The following LAMA3 variants were observed in gnomAD, a reference collection of about 807,000 sequenced individuals.
The protein encoded by LAMA3 is laminin subunit alpha 3.
LAMA3 carries 281 observed loss-of-function variants against 402.0 expected under a neutral mutation model. The ratio of observed to expected loss-of-function variants is 0.70; its 90% CI spans 0.63 to 0.77. The LOEUF is 0.77. LAMA3 is among the 30% of genes least tolerant of loss of function. The pLI is 0.00. For missense variants in LAMA3, 3,840 were observed against 4,215.5 expected, an observed-to-expected ratio of 0.91 and a Z score of 2.47; for synonymous variants, 1,431 against 1,558.4, an observed-to-expected ratio of 0.92 and a Z score of 1.93.
chr18:23,906,059 C>T (rs190715215), intron 52 of LAMA3, among the ~76,000 whole-genome samples: 86 of 152,272 alleles, frequency 5.6e-4, no homozygotes, highest in African/African-American at 1.9e-3. Context: ...GCCACCATGC[C>T]GGGCCCAGAT....
Position 23,884,812 on chromosome 18 carries a change from G to T in LAMA3, c.5262G>T (p.Arg1754=). Residue 1754 remains arginine (R), a synonymous_variant, in exon 41 of 75, where the codon CGG becomes CGT. Coordinates refer to ENST00000313654, the MANE Select transcript of LAMA3 (RefSeq NM_198129.4). The stretch of plus-strand genomic sequence containing the variant: ...GTGTGGTGAATGGGGGAGACGTGCG[G>T]TGCTCCTGCAAAGCTGGGTACACAG... ...TGCVVNGGDV[R]CSCKAGYTGT... The T allele has an allele frequency of 1.9e-6, 3 of 1,613,920 alleles. No individual in the cohort carries two copies. The highest frequency in any genetic ancestry group is 2.5e-6 in the Non-Finnish European group (3 of 1,179,944).
In LAMA3 at chr18:23,933,817, G is replaced by A; in HGVS notation, c.8744G>A (p.Ser2915Asn). 1 of 1,614,140 alleles carries A rather than the reference G, an allele frequency of 6.2e-7. No homozygotes were observed. Among genetic ancestry groups the A allele is most frequent in the Non-Finnish European group, 8.5e-7 (1 of 1,179,966 alleles). Reference protein sequence around the residue: ...SLSPEVLDLTSNSLKRDVSLG... With the variant: ...SLSPEVLDLTNNSLKRDVSLG... ...AGTCCTGAAGTCCTAGATTTGACCAGTAACTCTCTCAAGAGAGATGTGTCC... is the reference window on the plus strand; with the variant it reads ...AGTCCTGAAGTCCTAGATTTGACCAATAACTCTCTCAAGAGAGATGTGTCC... The change falls in exon 67 of 75, where the codon AGT (serine) becomes AAT (asparagine). Residue 2915 changes from serine to asparagine, a missense_variant. By Grantham distance (46) the Ser-to-Asn change is conservative. Coordinates refer to ENST00000313654, the MANE Select transcript of LAMA3 (RefSeq NM_198129.4).
At chr18:23,937,660 A>G (rs2145446843) in intron 67 of LAMA3, among the ~76,000 whole-genome samples, 1 of 152,284 alleles carries the variant, frequency 6.6e-6, no homozygotes, top group South Asian at 2.1e-4. Context: ...CTGCTGACAC[A>G]CGGAGAAGAC....
At position 23,946,363 on chromosome 18, in the gene LAMA3, T is replaced by C. The variant is rs1258824972; in HGVS notation, c.9351+79T>C. 102 of 1,372,086 alleles carry C rather than the reference T, an allele frequency of 7.4e-5. No homozygotes were observed. In the East Asian group the frequency reaches 2.3e-3, roughly 31 times the overall value. 85.0% of individuals were successfully genotyped at this position (1,372,086 alleles called of 1,614,324 possible). A position where few individuals can be genotyped will look rare whatever the true frequency, so the allele number is the denominator to read the frequency against. On this transcript the variant is annotated intron_variant, in intron 70 of 74. Transcript: ENST00000313654. The stretch of plus-strand genomic sequence containing the variant: ...GCATAATTGTATGAGATATTCAAAA[T>C]ACTCACCATATGAGAATCTCAAAAT...
chr18:23,913,088 G>T (rs2081491159), intron 56 of LAMA3, among the ~76,000 whole-genome samples: 1 of 152,208 alleles, frequency 6.6e-6, no homozygotes, highest in Non-Finnish European at 1.5e-5. Context: ...ATTGTTGGTT[G>T]CTAGAGGATC....
chr18:23,812,876 G>A (rs1280925400), intron 13 of LAMA3, among the ~76,000 whole-genome samples, 181 bp from the exon 14 acceptor site: 1 of 152,150 alleles, frequency 6.6e-6, no homozygotes, highest in Non-Finnish European at 1.5e-5. Flanking sequence ...TGGGGATTAA[G>A]GACCATAAAT....
At chr18:23,872,894 C>T in intron 38 of LAMA3, 1 of 811,748 alleles carries the variant, frequency 1.2e-6, no homozygotes, top group Non-Finnish European at 2.0e-6. Flanking sequence ...CTGGCACAGG[C>T]TGACTCATGT....
At chr18:23,747,862 G>T in intron 2 of LAMA3, 81 bp from the exon 3 acceptor site, 1 of 858,416 alleles carries the variant, frequency 1.2e-6, no homozygotes, top group Non-Finnish European at 2.0e-6. Flanking sequence ...TGTTGCCTTG[G>T]GAATCAGCAT....
rs114054210 is a variant in LAMA3 at position 23,743,843 on chromosome 18, T to A, written c.448-4100T>A. Among the ~76,000 whole-genome samples the A allele has an allele frequency of 3.5e-3, 534 of 152,284 alleles. 3 individuals carry two copies. Among genetic ancestry groups the A allele is most frequent in the African/African-American group, 0.012 (506 of 41,556 alleles). On this transcript the variant is annotated intron_variant, in intron 2 of 74. Transcript: ENST00000313654. Reference sequence around the variant, plus strand: ...CCTTATCTCTGACCCCCAAATACGATCTCTTTGAAAATGCACAACTTTGCC... The same window carrying A: ...CCTTATCTCTGACCCCCAAATACGAACTCTTTGAAAATGCACAACTTTGCC...
chr18:23,931,126 G>A lies in LAMA3; in HGVS notation c.8501G>A (p.Gly2834Asp), dbSNP rs1426717095. ...YIELSTSDSG[G>D]PIFKSPQTYM... ...GAATTGAGCACCAGCGATAGCGGCG[G>A]CCCAATTTTTAAATCTCCACAGACG... The change falls in exon 65 of 75, where the codon GGC becomes GAC. Residue 2834 changes from glycine (G) to aspartate (D), a missense_variant. Transcript: ENST00000313654. The A allele has an allele frequency of 2.5e-6, 4 of 1,613,348 alleles. No individual in the cohort carries two copies. In the East Asian group the frequency reaches 6.7e-5, roughly 27 times the overall value.
intron 8 of LAMA3, among the ~76,000 whole-genome samples, chr18:23,769,775 A>T (rs1469030030): frequency 1.3e-5 from 2 of 152,236 alleles, no homozygotes; most frequent in African/African-American, 4.8e-5. Context: ...TATAAAAAAT[A>T]CTCTAAATGT....
In LAMA3 at chr18:23,814,434, G is replaced by C; in HGVS notation, c.1820G>C (p.Gly607Ala). 3 of 1,613,728 alleles carry C rather than the reference G, an allele frequency of 1.9e-6. No individual in the cohort carries two copies. The highest frequency in any genetic ancestry group is 2.5e-6 in the Non-Finnish European group (3 of 1,179,672). Residue 607 changes from glycine (G) to alanine (A), a missense_variant, in exon 15 of 75, where the codon GGT becomes GCT. By Grantham distance (60) the Gly-to-Ala change is moderately conservative. Around this residue, in one of 3 missense-constraint regions of LAMA3, gnomAD observed 2,109 missense variants for 2,376.0 expected, o/e 0.89. Transcript: ENST00000313654. The stretch of plus-strand genomic sequence containing the variant: ...TGCCAATGCAAGCTTCATGTTGAAG[G>C]TCCTACTTGTAGCCGCTGCAAACTG... ...GYCQCKLHVEGPTCSRCKLLY... is the reference protein window; with the variant it reads ...GYCQCKLHVEAPTCSRCKLLY...
In LAMA3 at chr18:23,907,944, C is replaced by A. The variant is rs764947195; in HGVS notation, c.7015+9C>A. ...TGATGCAGATAACTCGGGTATCAGGCGATCTCTGGCCAGGACATCTTAGCC... is the reference window on the plus strand; with the variant it reads ...TGATGCAGATAACTCGGGTATCAGGAGATCTCTGGCCAGGACATCTTAGCC... On this transcript the variant is annotated intron_variant, in intron 54 of 74. Coordinates refer to ENST00000313654, the MANE Select transcript of LAMA3 (RefSeq NM_198129.4). 2 of 1,612,862 alleles carry A rather than the reference C, an allele frequency of 1.2e-6. No individual in the cohort carries two copies. The highest frequency in any genetic ancestry group is 2.2e-5 in the East Asian group (1 of 44,864).
intron 41 of LAMA3, among the ~76,000 whole-genome samples, chr18:23,888,177 G>A (rs2080503112): frequency 6.6e-6 from 1 of 152,304 alleles, no homozygotes. Flanking sequence ...CCTATTATTA[G>A]TATATGACCA....
At chr18:23,750,186 T>A (rs1466010789) in intron 4 of LAMA3, among the ~76,000 whole-genome samples, 1 of 152,182 alleles carries the variant, frequency 6.6e-6, no homozygotes, top group Non-Finnish European at 1.5e-5. Context: ...TTAAGGGAGA[T>A]GGGCAAACAA....
intron 15 of LAMA3, among the ~76,000 whole-genome samples, chr18:23,814,931 C>A (rs1428275059): frequency 6.6e-6 from 1 of 152,208 alleles, no homozygotes; most frequent in African/African-American, 2.4e-5. Context: ...TCAAAAATCC[C>A]ATGATGTTGC....
At chr18:23,727,973 A>G (rs2061326897) in intron 2 of LAMA3, among the ~76,000 whole-genome samples, 1 of 151,856 alleles carries the variant, frequency 6.6e-6, no homozygotes, top group South Asian at 2.1e-4. Flanking sequence ...GCTTCAAGTG[A>G]TCCTCCTGCC....
chr18:23,830,356 C>T (rs150792117), intron 23 of LAMA3, among the ~76,000 whole-genome samples: 95 of 152,212 alleles, frequency 6.2e-4, no homozygotes, highest in African/African-American at 2.2e-3. Flanking sequence ...CTCCCCTTCA[C>T]AACAAAACTC....
chr18:23,874,132 C>A (rs1401716302), intron 38 of LAMA3, among the ~76,000 whole-genome samples: 1 of 152,176 alleles, frequency 6.6e-6, no homozygotes, highest in Non-Finnish European at 1.5e-5. Context: ...ACAGACTATA[C>A]TCCCCCAAAG....
Sources: allele counts gnomAD v4.1 joint callset (sites outside exome capture counted in the v4.1 genomes callset), GRCh38; gene constraint gnomAD v4.1.1; regional missense constraint gnomAD v4.1.1; transcripts MANE v1.5; gene names NCBI Gene and HGNC (gene_info 2026-07-23, HGNC 2026-07-21).